The following ACACA variants were observed in gnomAD, a reference collection of about 807,000 sequenced individuals.
ACACA encodes the protein acetyl-CoA carboxylase alpha, also known as acetyl-CoA carboxylase 1.
In ACACA, 103 loss-of-function variants were observed where a neutral mutation model predicts 296.1. The observed-to-expected ratio is 0.35, with a 90% CI of 0.30 to 0.41. ACACA has a LOEUF of 0.41. Among genes scored for constraint, ACACA ranks in the 10% least tolerant of loss-of-function variants. The pLI is 1.00. For synonymous variants in ACACA, 953 were observed against 1,038.6 expected, an observed-to-expected ratio of 0.92 and a Z score of 1.58; for missense variants, 1,554 against 2,989.7, an observed-to-expected ratio of 0.52 and a Z score of 11.20.
Position 37,339,814 on chromosome 17 carries a change from TCTTA to T in ACACA, c.71_74del (p.Val24GlufsTer3), listed in dbSNP as rs752401577. On this transcript the variant is annotated frameshift_variant, in exon 2 of 56. Coordinates refer to ENST00000616317, the MANE Select transcript of ACACA (RefSeq NM_198834.3). LOFTEE classifies it high-confidence loss of function. ...TTATTTGTAACTGACCTCTTATAATTCTTACTGTCTGAGTAGATATCCACTTCCA... is the reference window on the plus strand; with the variant it reads ...TTATTTGTAACTGACCTCTTATAATTCTGTCTGAGTAGATATCCACTTCCA... The T allele has an allele frequency of 7.2e-7, 1 of 1,379,650 alleles. No homozygotes were observed. Among genetic ancestry groups the T allele is most frequent in the Non-Finnish European group, 1.0e-6 (1 of 973,502 alleles). The allele number at this position is 1,379,650 out of a possible 1,614,324, so 85.5% of individuals were successfully genotyped here. A position where few individuals can be genotyped will look rare whatever the true frequency, so the allele number is the denominator to read the frequency against.
intron 45 of ACACA, among the ~76,000 whole-genome samples, chr17:37,138,340 C>G (rs1211385665): frequency 6.6e-6 from 1 of 152,218 alleles, no homozygotes; most frequent in Non-Finnish European, 1.5e-5. Flanking sequence ...TATTCATAGA[C>G]CAGTCTGTGC....
intron 1 of ACACA, among the ~76,000 whole-genome samples, chr17:37,361,663 A>G (rs1317966341): frequency 2.0e-5 from 3 of 152,220 alleles, no homozygotes; most frequent in African/African-American, 7.2e-5. Flanking sequence ...TCTTTAAGAC[A>G]GTACAACTGG....
At chr17:37,331,671 G>A (rs1431472548) in intron 2 of ACACA, among the ~76,000 whole-genome samples, 8 of 151,978 alleles carry the variant, frequency 5.3e-5, no homozygotes, top group Admixed American at 5.2e-4. Context: ...CTCTCAAAGT[G>A]CTAGGACTAT....
intron 1 of ACACA, among the ~76,000 whole-genome samples, chr17:37,396,416 T>A (rs148299872): frequency 1.2e-4 from 19 of 152,284 alleles, no homozygotes; most frequent in Middle Eastern, 3.4e-3. Context: ...CTTCATTTTT[T>A]AGATAAACCC....
intron 41 of ACACA, among the ~76,000 whole-genome samples, chr17:37,165,319 T>C (rs982366059): frequency 5.3e-5 from 8 of 152,054 alleles, no homozygotes; most frequent in African/African-American, 1.7e-4. Context: ...CATATAAAGG[T>C]GAACATGGGC....
intron 25 of ACACA, among the ~76,000 whole-genome samples, chr17:37,234,279 G>T (rs2080005190): frequency 6.6e-6 from 1 of 152,182 alleles, no homozygotes; most frequent in African/African-American, 2.4e-5. Context: ...AACTCAACCA[G>T]AATGAGCTAG....
chr17:37,292,498 G>A (rs1449199193), intron 3 of ACACA, among the ~76,000 whole-genome samples: 2 of 152,168 alleles, frequency 1.3e-5, no homozygotes, highest in African/African-American at 2.4e-5. Flanking sequence ...TTAAACATAA[G>A]CATTTTTCTG....
At chr17:37,305,624 T>G (rs2083837398) in intron 3 of ACACA, among the ~76,000 whole-genome samples, 1 of 152,194 alleles carries the variant, frequency 6.6e-6, no homozygotes. Context: ...TGCAATATGC[T>G]TGCCCCAACC....
At chr17:37,226,247 T>A (rs1274877263) in intron 26 of ACACA, 92 bp downstream of exon 26, 1 of 949,000 alleles carries the variant, frequency 1.1e-6, no homozygotes, top group Non-Finnish European at 1.7e-6. Flanking sequence ...ACATGTTCTT[T>A]GTAAAGTGAT....
chr17:37,374,845 A>G (rs2049938276), intron 1 of ACACA, among the ~76,000 whole-genome samples: 2 of 152,054 alleles, frequency 1.3e-5, no homozygotes, highest in South Asian at 4.2e-4. Context: ...GCAAAACTCA[A>G]TAGGTATGTC....
chr17:37,099,589 C>CGGG (rs2073226041), intron 52 of ACACA, among the ~76,000 whole-genome samples: 1 of 111,258 alleles, frequency 9.0e-6, no homozygotes, highest in African/African-American at 4.0e-5. Flanking sequence ...GGGCTGATGG[C>CGGG]AGGAGGGCTG....
chr17:37,365,535 A>C (rs2049577050), intron 1 of ACACA: 5 of 985,342 alleles, frequency 5.1e-6, no homozygotes, highest in Non-Finnish European at 6.0e-6. Flanking sequence ...GCTGCTTTAC[A>C]GATGGACAGA....
chr17:37,269,461 A>T, intron 10 of ACACA, among the ~76,000 whole-genome samples: 1 of 152,216 alleles, frequency 6.6e-6, no homozygotes, highest in East Asian at 1.9e-4. Context: ...ACATTAGCCT[A>T]CAGTTGGGCA....
At chr17:37,274,046 C>T (rs1054869202) in intron 9 of ACACA, 147 bp downstream of exon 9, 36 of 717,616 alleles carry the variant, frequency 5.0e-5, no homozygotes, top group Middle Eastern at 4.7e-4. Context: ...GAGAAACCAG[C>T]GTATTCTATA....
At position 37,245,238 on chromosome 17, in the gene ACACA, T is replaced by G. The variant is rs201117808; in HGVS notation, c.2461-24A>C. On this transcript the variant is annotated intron_variant, in intron 19 of 55. Transcript: ENST00000616317. ...ACCTATAGTGAAAAATAAACTAGAC[T>G]CAGATTTATCTCTCTTTACACAGAT... The G allele has an allele frequency of 1.2e-5, 19 of 1,611,604 alleles. No individual in the cohort carries two copies. The Admixed American group carries it at 1.3e-4, about 11-fold the overall frequency.
rs755108255 is a variant in ACACA, at chr17:37,226,384, T to C, written c.3315A>G (p.Gln1105=). Residue 1105 remains glutamine (Q), a synonymous_variant, in exon 26 of 56, where the codon CAA becomes CAG. Transcript: ENST00000616317. ...ELLNILTELT[Q]LSKTTNAKVA... is the part of the protein sequence containing the mutation. ...CTTTGGCATTGGTGGTCTTACTGAG[T>C]TGAGTTAGCTCTGTGAGAATATTCA... The C allele has an allele frequency of 6.2e-7, 1 of 1,614,168 alleles. No individual in the cohort carries two copies. Among genetic ancestry groups the C allele is most frequent in the Non-Finnish European group, 8.5e-7 (1 of 1,180,022 alleles).
At position 37,140,847 on chromosome 17, in the gene ACACA, T is replaced by C. The variant is rs540192728; in HGVS notation, c.5679+9017A>G. 1.6e-5 allele frequency: 4 copies of C among 244,878 alleles called. No homozygotes were observed. In the East Asian group the frequency reaches 4.8e-4, roughly 30 times the overall value. 15.2% of individuals were successfully genotyped at this position (244,878 alleles called of 1,614,324 possible). ...TAGCAGTCATCAATACTGGCCATCA[T>C]CAGCAGCTTCTTGGGCACCAGGGCC... On this transcript the variant is annotated intron_variant, in intron 45 of 55. Transcript: ENST00000616317.
At chr17:37,196,508 T>G (rs1230316647) in intron 35 of ACACA, among the ~76,000 whole-genome samples, 3 of 152,094 alleles carry the variant, frequency 2.0e-5, no homozygotes, top group Non-Finnish European at 4.4e-5. Flanking sequence ...TGTAAAACTG[T>G]TTGATTTAGA....
Position 37,268,727 on chromosome 17 carries a change from ATC to A in ACACA, c.1119+2022_1119+2023del, listed in dbSNP as rs1240531178. The stretch of plus-strand genomic sequence containing the variant: ...TATCTATATCTATATCTATCTATCT[ATC>A]TATCTATCTATCTATATATATATAT... On this transcript the variant is annotated intron_variant, in intron 10 of 55. Coordinates refer to ENST00000616317, the MANE Select transcript of ACACA (RefSeq NM_198834.3). Among the ~76,000 whole-genome samples, 378 of 109,578 alleles carry A rather than the reference ATC, an allele frequency of 3.4e-3. 3 individuals carry two copies. The highest frequency in any genetic ancestry group is 0.014 in the South Asian group (46 of 3,300). 71.9% of individuals were successfully genotyped at this position (109,578 alleles called of 152,430 possible). A position where few individuals can be genotyped will look rare whatever the true frequency, so the allele number is the denominator to read the frequency against.
Sources: gnomAD v4.1 joint callset for allele counts (sites outside exome capture counted in the v4.1 genomes callset) on GRCh38, gnomAD v4.1.1 for gene constraint, MANE v1.5 for transcripts, NCBI Gene and HGNC (gene_info 2026-07-23, HGNC 2026-07-21) for gene names.